Variants in DLG2 observed in about 807,000 individuals in gnomAD.
DLG2 encodes the protein disks large homolog 2.
A neutral mutation model predicts 132.5 loss-of-function variants in DLG2; 45 were observed. That is an observed-to-expected ratio of 0.34 (90% CI 0.27 to 0.44). The LOEUF (loss-of-function observed/expected upper bound fraction) is 0.44. Ranked by LOEUF, DLG2 falls within the 20% of genes least tolerant of loss-of-function variation. The probability of loss-of-function intolerance (pLI) is 1.00; values close to 1 mark genes in which losing one functional copy is unlikely to be tolerated. For missense variants in DLG2, 1,045 were observed against 1,196.9 expected (o/e 0.87, Z 1.87); for synonymous variants, 424 against 419.6 (o/e 1.01, Z -0.13).
intron 6 of DLG2, among the ~76,000 whole-genome samples, chr11:84,649,426 A>G (rs750865289): frequency 2.0e-5 from 3 of 152,298 alleles, no homozygotes; most frequent in Middle Eastern, 3.4e-3. Context: ...TGAGGTAGAT[A>G]TTATTAGTGA....
chr11:84,742,158 G>A (rs956031883), intron 6 of DLG2, among the ~76,000 whole-genome samples: 1 of 151,986 alleles, frequency 6.6e-6, no homozygotes, highest in Non-Finnish European at 1.5e-5. Context: ...CGATTTATGG[G>A]GCACTATTAA....
Position 83,800,092 on chromosome 11 carries a change from G to A in DLG2, c.1723-13300C>T, listed in dbSNP as rs546924788. On this transcript the variant is annotated intron_variant, in intron 17 of 27. Coordinates refer to ENST00000376104, the MANE Select transcript of DLG2 (RefSeq NM_001142699.3). The stretch of plus-strand genomic sequence containing the variant: ...GACGTACACAAAGAGGATGACTTGG[G>A]AGAGTATAAAATTATCTCAATGCAG... 2.8e-4 allele frequency among the ~76,000 whole-genome samples: 43 copies of A among 152,290 alleles called. 1 individual carries two copies. In the South Asian group the frequency reaches 8.7e-3, roughly 31 times the overall value.
chr11:84,127,061 T>C (rs529535528), intron 9 of DLG2, among the ~76,000 whole-genome samples: 8 of 152,354 alleles, frequency 5.3e-5, no homozygotes, highest in African/African-American at 1.2e-4. Flanking sequence ...CTAGCCATTA[T>C]AGTTTTAGGA....
chr11:84,302,942 TAC>T (rs1225652895), intron 7 of DLG2, among the ~76,000 whole-genome samples: 1 of 151,160 alleles, frequency 6.6e-6, no homozygotes, highest in African/African-American at 2.4e-5. Context: ...CAAAAAAAAA[TAC>T]ACACACAGAC....
chr11:84,972,912 G>A (rs2054303717), intron 6 of DLG2, among the ~76,000 whole-genome samples: 1 of 150,938 alleles, frequency 6.6e-6, no homozygotes, highest in Admixed American at 6.6e-5. Flanking sequence ...TTGTATTCTA[G>A]CTGTGACCTT....
chr11:83,892,845 G>T (rs1219206674), intron 15 of DLG2, among the ~76,000 whole-genome samples: 1 of 152,038 alleles, frequency 6.6e-6, no homozygotes, highest in Non-Finnish European at 1.5e-5. Context: ...GTATATGCAA[G>T]GAATTATGCC....
chr11:84,336,874 C>T (rs546526175), intron 7 of DLG2, among the ~76,000 whole-genome samples: 3 of 152,288 alleles, frequency 2.0e-5, no homozygotes, highest in Admixed American at 1.3e-4. Flanking sequence ...TATTCTTGCT[C>T]TTATCCTCAT....
intron 18 of DLG2, among the ~76,000 whole-genome samples, chr11:83,750,706 A>G (rs935413943): frequency 6.6e-6 from 1 of 152,206 alleles, no homozygotes; most frequent in Non-Finnish European, 1.5e-5. Flanking sequence ...TGAGAGCCCC[A>G]AAAAAGTTAA....
chr11:84,569,142 G>A (rs1477900880), intron 6 of DLG2, among the ~76,000 whole-genome samples: 1 of 152,130 alleles, frequency 6.6e-6, no homozygotes, highest in Non-Finnish European at 1.5e-5. Context: ...TCAGAGCAAA[G>A]GCAGCCACCC....
chr11:83,855,169 A>G (rs1279672529), intron 16 of DLG2, among the ~76,000 whole-genome samples: 1 of 152,222 alleles, frequency 6.6e-6, no homozygotes, highest in African/African-American at 2.4e-5. Context: ...AATACTGACA[A>G]AAACAAATGC....
intron 14 of DLG2, among the ~76,000 whole-genome samples, chr11:83,940,022 T>C (rs1403285081): frequency 6.6e-6 from 1 of 152,258 alleles, no homozygotes; most frequent in African/African-American, 2.4e-5. Context: ...TTCATGCAGC[T>C]GTTTCCATTT....
At chr11:84,634,615 GTC>G (rs1198462053) in intron 6 of DLG2, among the ~76,000 whole-genome samples, 1 of 152,192 alleles carries the variant, frequency 6.6e-6, no homozygotes, top group Non-Finnish European at 1.5e-5. Flanking sequence ...GCTACCCAGA[GTC>G]TCTCTGAACC....
chr11:84,097,149 C>T (rs2097176370), intron 10 of DLG2, among the ~76,000 whole-genome samples: 1 of 152,188 alleles, frequency 6.6e-6, no homozygotes, highest in Non-Finnish European at 1.5e-5. Context: ...ACCTACAGGA[C>T]TTCACTTGCT....
chr11:85,092,643 C>CA (rs1266672235), intron 6 of DLG2, among the ~76,000 whole-genome samples: 109 of 132,232 alleles, frequency 8.2e-4, no homozygotes, highest in African/African-American at 3.0e-3. Flanking sequence ...GTACACGTGA[C>CA]TTTTTTTTTT....
At chr11:84,739,742 C>G (rs1176895753) in intron 6 of DLG2, among the ~76,000 whole-genome samples, 1 of 152,156 alleles carries the variant, frequency 6.6e-6, no homozygotes, top group Non-Finnish European at 1.5e-5. Flanking sequence ...GGAAGACAAA[C>G]TAGGTGAAGG....
At position 84,909,453 on chromosome 11, in the gene DLG2, T is replaced by C. The variant is rs1482243702; in HGVS notation, c.357+202208A>G. 2.6e-5 allele frequency among the ~76,000 whole-genome samples: 4 copies of C among 152,178 alleles called. No individual in the cohort carries two copies. The South Asian group carries it at 8.3e-4, about 32-fold the overall frequency. On this transcript the variant is annotated intron_variant, in intron 6 of 27. Coordinates refer to ENST00000376104, the MANE Select transcript of DLG2 (RefSeq NM_001142699.3). Reference sequence around the variant, plus strand: ...GCTAATTTGCGTTTCTAAGTTTCAGTTTTAGAGTCTGTTTAGTGGGGGCAG... The same window carrying C: ...GCTAATTTGCGTTTCTAAGTTTCAGCTTTAGAGTCTGTTTAGTGGGGGCAG...
At chr11:85,293,670 G>A (rs146511911) in intron 3 of DLG2, among the ~76,000 whole-genome samples, 1 of 152,082 alleles carries the variant, frequency 6.6e-6, no homozygotes, top group Non-Finnish European at 1.5e-5. Flanking sequence ...AAACTAAACA[G>A]GCATGACAAT....
At chr11:85,144,681 C>A (rs1394160961) in intron 5 of DLG2, among the ~76,000 whole-genome samples, 1 of 151,744 alleles carries the variant, frequency 6.6e-6, no homozygotes, top group Non-Finnish European at 1.5e-5. Flanking sequence ...ATTTCAGAAA[C>A]AATGCACAAG....
chr11:84,852,603 A>G (rs2082289589), intron 6 of DLG2, among the ~76,000 whole-genome samples: 1 of 151,728 alleles, frequency 6.6e-6, no homozygotes, highest in African/African-American at 2.4e-5. Context: ...CCAGAAAAAA[A>G]GTTCTTCACT....
Sources: allele counts gnomAD v4.1 joint callset (sites outside exome capture counted in the v4.1 genomes callset), GRCh38; gene constraint gnomAD v4.1.1; transcripts MANE v1.5; gene names NCBI Gene and HGNC (gene_info 2026-07-23, HGNC 2026-07-21).